CDC5L: variants seen among roughly 807,000 people sequenced by gnomAD.
CDC5L encodes the protein cell division cycle 5-like protein.
Under a neutral mutation model 104.1 loss-of-function variants are expected in CDC5L, and 18 were observed. The observed-to-expected ratio is 0.17, with a 90% CI of 0.12 to 0.26. The LOEUF (loss-of-function observed/expected upper bound fraction) is 0.26. CDC5L is among the 10% of genes least tolerant of loss of function. The probability of loss-of-function intolerance (pLI) is 1.00; values close to 1 mark genes in which losing one functional copy is unlikely to be tolerated. For synonymous variants in CDC5L, 331 were observed against 322.7 expected (o/e 1.03, Z -0.28); for missense variants, 673 against 956.9 (o/e 0.70, Z 3.91).
intron 7 of CDC5L, 143 bp downstream of exon 7, chr6:44,406,610 A>C: frequency 3.9e-6 from 3 of 770,202 alleles, no homozygotes; most frequent in Non-Finnish European, 4.3e-6. Flanking sequence ...ACACACATAA[A>C]AACAAGTAAT....
intron 9 of CDC5L, 149 bp downstream of exon 9, chr6:44,419,746 C>T (rs756789838): frequency 3.0e-6 from 2 of 661,324 alleles, no homozygotes; most frequent in South Asian, 1.9e-5. Context: ...TAATAGTGTC[C>T]AGGAAATGGT....
At chr6:44,436,677 A>T (rs550976678) in intron 14 of CDC5L, among the ~76,000 whole-genome samples, 8 of 152,194 alleles carry the variant, frequency 5.3e-5, no homozygotes, top group Non-Finnish European at 1.0e-4. Flanking sequence ...CCCAGCTATG[A>T]CAGTCATCAA....
chr6:44,388,432 CTCTT>C (rs1790449647), intron 1 of CDC5L, among the ~76,000 whole-genome samples: 1 of 152,148 alleles, frequency 6.6e-6, no homozygotes, highest in Non-Finnish European at 1.5e-5. Flanking sequence ...CAAGGTCTGT[CTCTT>C]TCTGTCACTG....
rs1304416704 is a variant in CDC5L at position 44,446,833 on chromosome 6, A to T, written c.*122A>T. The T allele has an allele frequency of 1.3e-5, 7 of 551,772 alleles. No individual in the cohort carries two copies. Among genetic ancestry groups the T allele is most frequent in the Non-Finnish European group, 1.9e-5 (6 of 312,640 alleles). The allele number at this position is 551,772 out of a possible 1,614,324, so 34.2% of individuals were successfully genotyped here. A position where few individuals can be genotyped will look rare whatever the true frequency, so the allele number is the denominator to read the frequency against. On this transcript the variant is annotated 3_prime_UTR_variant, in exon 16 of 16. Transcript: ENST00000371477. ...ACCATCTGTGGTTTTTCAGTTGTTTATTTTAAATGATATCGATCTTACACA... is the reference window on the plus strand; with the variant it reads ...ACCATCTGTGGTTTTTCAGTTGTTTTTTTTAAATGATATCGATCTTACACA...
intron 14 of CDC5L, among the ~76,000 whole-genome samples, chr6:44,434,383 C>T (rs1259703788): frequency 6.6e-6 from 1 of 152,000 alleles, no homozygotes; most frequent in Admixed American, 6.5e-5. Flanking sequence ...TAATTACTTT[C>T]TTGGACCTGC....
chr6:44,402,666 C>T (rs904945098), intron 5 of CDC5L, among the ~76,000 whole-genome samples: 9 of 152,090 alleles, frequency 5.9e-5, no homozygotes, highest in Non-Finnish European at 1.2e-4. Flanking sequence ...GGAATTCCAC[C>T]CTCCAATGAC....
At chr6:44,431,406 G>A (rs1226003006) in intron 14 of CDC5L, among the ~76,000 whole-genome samples, 1 of 152,124 alleles carries the variant, frequency 6.6e-6, no homozygotes, top group East Asian at 1.9e-4. Flanking sequence ...TGTTGTGTAG[G>A]CTTCATTTCT....
intron 9 of CDC5L, among the ~76,000 whole-genome samples, chr6:44,420,589 C>G (rs1203848465): frequency 6.6e-6 from 1 of 151,860 alleles, no homozygotes; most frequent in Non-Finnish European, 1.5e-5. Flanking sequence ...AACTCCTGAC[C>G]TCAGGTAATC....
In CDC5L at chr6:44,387,886, G is replaced by A. The variant is rs1449209824; in HGVS notation, c.45+18G>A. ...ATACCGAGGTAAGTCTCCTTTTCCC[G>A]CCGTCCGCTGCCCGCCGCTCCCTCT... On this transcript the variant is annotated intron_variant, in intron 1 of 15. Transcript: ENST00000371477. 1.3e-6 allele frequency: 2 copies of A among 1,553,104 alleles called. No individual in the cohort carries two copies. The highest frequency in any genetic ancestry group is 2.4e-5 in the South Asian group (2 of 84,464).
At chr6:44,423,177 TA>T (rs202114248) in intron 10 of CDC5L, among the ~76,000 whole-genome samples, 64 of 149,782 alleles carry the variant, frequency 4.3e-4, no homozygotes, top group Non-Finnish European at 1.5e-4. Flanking sequence ...ATTGTGAAAT[TA>T]AAAAAAAAAC....
At chr6:44,396,009 A>G (rs1790853292) in intron 4 of CDC5L, among the ~76,000 whole-genome samples, 1 of 152,198 alleles carries the variant, frequency 6.6e-6, no homozygotes, top group Non-Finnish European at 1.5e-5. Context: ...TGTTTAATGA[A>G]TGCTTGCGAG....
Position 44,449,900 on chromosome 6 carries a change from T to C in CDC5L, c.*3189T>C, listed in dbSNP as rs1793583796. On this transcript the variant is annotated 3_prime_UTR_variant, in exon 16 of 16. Transcript: ENST00000371477. ...TTTTTTTTGAGATGGAGTCTTGCTC[T>C]CTCACCCAGGCTGGAGTGCAGTAGT... The C allele has an allele frequency of 6.6e-6, 1 of 150,620 alleles. No individual in the cohort carries two copies. Among genetic ancestry groups the C allele is most frequent in the South Asian group, 2.1e-4 (1 of 4,728 alleles). 9.3% of individuals were successfully genotyped at this position (150,620 alleles called of 1,614,324 possible). A position where few individuals can be genotyped will look rare whatever the true frequency, so the allele number is the denominator to read the frequency against.
Position 44,419,607 on chromosome 6 carries a change from A to G in CDC5L, c.1241+10A>G, listed in dbSNP as rs1479137716. On this transcript the variant is annotated intron_variant, in intron 9 of 15. Coordinates refer to ENST00000371477, the MANE Select transcript of CDC5L (RefSeq NM_001253.4). Reference sequence around the variant, plus strand: ...TCTCTACTCCATTCAGGTATTGTAAATGAACACGTTTTTATTTTAGAAAAA... The same window carrying G: ...TCTCTACTCCATTCAGGTATTGTAAGTGAACACGTTTTTATTTTAGAAAAA... 6.2e-7 allele frequency: 1 copy of G among 1,606,444 alleles called. No homozygotes were observed. Among genetic ancestry groups the G allele is most frequent in the Non-Finnish European group, 8.5e-7 (1 of 1,173,968 alleles).
intron 14 of CDC5L, among the ~76,000 whole-genome samples, chr6:44,443,018 T>C (rs1197786278): frequency 2.1e-5 from 3 of 146,076 alleles, no homozygotes; most frequent in East Asian, 2.0e-4. Flanking sequence ...AGTTTTTTTT[T>C]CTCTCTCTTT....
rs1216247386 is a variant in CDC5L at position 44,393,512 on chromosome 6, A to T, written c.378A>T (p.Gly126=). ...TTDDPRKLKP[G]EIDPNPETKP... is the part of the protein sequence containing the mutation. ...ATGATCCACGAAAACTTAAACCTGGAGAAATAGATCCAAATCCAGAAACAA... is the reference window on the plus strand; with the variant it reads ...ATGATCCACGAAAACTTAAACCTGGTGAAATAGATCCAAATCCAGAAACAA... The change falls in exon 4 of 16, where the codon GGA becomes GGT. Residue 126 remains glycine, a synonymous_variant. Coordinates refer to ENST00000371477, the MANE Select transcript of CDC5L (RefSeq NM_001253.4). 3.1e-6 allele frequency: 5 copies of T among 1,613,998 alleles called. No individual in the cohort carries two copies. Among genetic ancestry groups the T allele is most frequent in the Non-Finnish European group, 4.2e-6 (5 of 1,179,992 alleles).
At chr6:44,390,222 A>G (rs745427828) in intron 1 of CDC5L, 46 bp from the exon 2 acceptor site, 1 of 1,248,734 alleles carries the variant, frequency 8.0e-7, no homozygotes. Context: ...GTCTTTTCCC[A>G]CTTGGAGTTT....
chr6:44,391,232 C>T (rs1207430698), intron 2 of CDC5L, among the ~76,000 whole-genome samples: 2 of 150,254 alleles, frequency 1.3e-5, no homozygotes, highest in East Asian at 1.9e-4. Flanking sequence ...CAACTCTGAA[C>T]CTGTGGTGTC....
chr6:44,396,639 G>C (rs1017801586), intron 5 of CDC5L, among the ~76,000 whole-genome samples, 199 bp downstream of exon 5: 2 of 151,756 alleles, frequency 1.3e-5, no homozygotes, highest in Admixed American at 6.6e-5. Context: ...GATAGCTCCA[G>C]ATCTTACAGG....
At chr6:44,426,412 C>G in intron 12 of CDC5L, 70 bp from the exon 13 acceptor site, 1 of 950,142 alleles carries the variant, frequency 1.1e-6, no homozygotes, top group South Asian at 1.6e-5. Context: ...TTAATTCATG[C>G]TGTAACAGGT....
Sources: allele counts gnomAD v4.1 joint callset (sites outside exome capture counted in the v4.1 genomes callset), GRCh38; gene constraint gnomAD v4.1.1; transcripts MANE v1.5; gene names NCBI Gene and HGNC (gene_info 2026-07-23, HGNC 2026-07-21).